The following SORCS1 variants were observed in gnomAD, a reference collection of about 807,000 sequenced individuals.
SORCS1 encodes the protein VPS10 domain-containing receptor SorCS1.
A neutral mutation model predicts 146.1 loss-of-function variants in SORCS1; 60 were observed. The observed-to-expected ratio is 0.41, with a 90% CI of 0.33 to 0.51. SORCS1 has a LOEUF of 0.51. SORCS1 is among the 20% of genes least tolerant of loss of function. SORCS1 has a pLI of 0.21. For synonymous variants in SORCS1, 637 were observed against 584.0 expected (o/e 1.09, Z -1.31); for missense variants, 1,352 against 1,487.6 (o/e 0.91, Z 1.50).
intron 1 of SORCS1, among the ~76,000 whole-genome samples, chr10:107,128,551 A>G (rs143125220): frequency 1.3e-5 from 2 of 152,332 alleles, no homozygotes; most frequent in Non-Finnish European, 2.9e-5. Context: ...TAACAACAGT[A>G]CTTTGTGATG....
At chr10:107,169,845 A>C in the SORCS1 span, among the ~76,000 whole-genome samples, 1 of 152,166 alleles carries the variant, frequency 6.6e-6, no homozygotes, top group Non-Finnish European at 1.5e-5. Context: ...CATGAATTAA[A>C]ATTCCACATT....
chr10:106,806,700 A>G (rs1391030298), intron 3 of SORCS1, among the ~76,000 whole-genome samples: 1 of 151,576 alleles, frequency 6.6e-6, no homozygotes, highest in Non-Finnish European at 1.5e-5. Context: ...TATTTTTAGT[A>G]GAGACGGGGT....
chr10:106,975,641 C>T (rs913808957), intron 1 of SORCS1, among the ~76,000 whole-genome samples: 2 of 152,194 alleles, frequency 1.3e-5, no homozygotes, highest in African/African-American at 4.8e-5. Context: ...TCTTCAGAAA[C>T]ACTGAAGGTT....
At chr10:107,156,612 A>G (rs1457813834) in intron 1 of SORCS1, among the ~76,000 whole-genome samples, 1 of 152,316 alleles carries the variant, frequency 6.6e-6, no homozygotes, top group African/African-American at 2.4e-5. Flanking sequence ...AAGTAGAAAA[A>G]GCTACATCTG....
intron 2 of SORCS1, among the ~76,000 whole-genome samples, chr10:106,901,238 T>G (rs1469139312): frequency 6.6e-6 from 1 of 152,194 alleles, no homozygotes; most frequent in African/African-American, 2.4e-5. Flanking sequence ...TCACAGGTAT[T>G]AGAAAGCAGC....
At chr10:107,149,624 G>A (rs1335925749) in intron 1 of SORCS1, among the ~76,000 whole-genome samples, 2 of 152,210 alleles carry the variant, frequency 1.3e-5, no homozygotes, top group African/African-American at 2.4e-5. Context: ...ACGTGCATGC[G>A]CATTCTTGAT....
At chr10:107,025,503 C>T (rs139394958) in intron 1 of SORCS1, among the ~76,000 whole-genome samples, 1 of 152,282 alleles carries the variant, frequency 6.6e-6, no homozygotes, top group East Asian at 1.9e-4. Context: ...TAAACTAGGG[C>T]CAGCTGTGGT....
chr10:106,976,690 C>T (rs548057604), intron 1 of SORCS1, among the ~76,000 whole-genome samples: 34 of 152,248 alleles, frequency 2.2e-4, no homozygotes, highest in African/African-American at 7.9e-4. Flanking sequence ...GCTCTCCTTC[C>T]CCTTGCCTCT....
At chr10:107,001,405 G>T (rs908995147) in intron 1 of SORCS1, among the ~76,000 whole-genome samples, 1 of 152,158 alleles carries the variant, frequency 6.6e-6, no homozygotes, top group Admixed American at 6.6e-5. Flanking sequence ...GGGGGGTCAA[G>T]TTTGCTGGTG....
At chr10:107,161,271 T>C (rs544730852) in intron 1 of SORCS1, among the ~76,000 whole-genome samples, 4 of 152,334 alleles carry the variant, frequency 2.6e-5, no homozygotes, top group East Asian at 1.9e-4. Flanking sequence ...AGACTCTTCA[T>C]AGCAAAGGCT....
At chr10:106,985,751 G>T (rs938774557) in intron 1 of SORCS1, among the ~76,000 whole-genome samples, 1 of 151,942 alleles carries the variant, frequency 6.6e-6, no homozygotes, top group Non-Finnish European at 1.5e-5. Context: ...TGGCCAGGAT[G>T]GTCTCCATCT....
Position 106,971,330 on chromosome 10 carries a change from C to A in SORCS1, c.559-14750G>T, listed in dbSNP as rs1296741325. On this transcript the variant is annotated intron_variant, in intron 1 of 25. Transcript: ENST00000263054. ...TAATATGTAATATCCTCTTGCTGAC[C>A]TAAGGAATTCCAGTATTTGTGGATC... Among the ~76,000 whole-genome samples the A allele has an allele frequency of 3.9e-5, 6 of 152,152 alleles. No individual in the cohort carries two copies. The South Asian group carries it at 8.3e-4, about 21-fold the overall frequency.
At chr10:107,012,059 G>T (rs1370274163) in intron 1 of SORCS1, among the ~76,000 whole-genome samples, 1 of 152,152 alleles carries the variant, frequency 6.6e-6, no homozygotes, top group Non-Finnish European at 1.5e-5. Flanking sequence ...GTTCAAATGT[G>T]CCCAGACAAC....
intron 3 of SORCS1, among the ~76,000 whole-genome samples, chr10:106,802,940 A>T (rs181071911): frequency 6.6e-6 from 1 of 152,306 alleles, no homozygotes; most frequent in Non-Finnish European, 1.5e-5. Context: ...CTGACTTTAC[A>T]GTATTTTTTA....
At chr10:106,758,529 T>G (rs954153914) in intron 5 of SORCS1, among the ~76,000 whole-genome samples, 3 of 152,172 alleles carry the variant, frequency 2.0e-5, no homozygotes, top group Admixed American at 2.0e-4. Context: ...GCAACTCCAT[T>G]TCCAGGATAA....
chr10:107,168,447 G>A (rs12258901), upstream of SORCS1, among the ~76,000 whole-genome samples: 34,671 of 152,062 alleles, frequency 0.23, 4,037 homozygotes, highest in African/African-American at 0.27. Flanking sequence ...TAAAGGCCCT[G>A]TGCTCCTTAT....
chr10:106,689,615 C>T (rs1019923396), intron 9 of SORCS1, among the ~76,000 whole-genome samples: 1 of 152,128 alleles, frequency 6.6e-6, no homozygotes, highest in Non-Finnish European at 1.5e-5. Context: ...CAGACCTCGC[C>T]AAACGCCAAG....
rs1966849981 is a variant in SORCS1, at chr10:107,129,918, T to C, written c.558+34051A>G. Among the ~76,000 whole-genome samples, 4 of 152,228 alleles carry C rather than the reference T, an allele frequency of 2.6e-5. No homozygotes were observed. The South Asian group carries it at 8.3e-4, about 31-fold the overall frequency. On this transcript the variant is annotated intron_variant, in intron 1 of 25. Coordinates refer to ENST00000263054, the MANE Select transcript of SORCS1 (RefSeq NM_052918.5). The stretch of plus-strand genomic sequence containing the variant: ...GCTCAAGTGGGAGTTTCTGTGCTTG[T>C]TGATGTATGTTTATCCATTAGGAAT...
Position 106,829,673 on chromosome 10 carries a change from C to T in SORCS1, c.627G>A (p.Arg209=), listed in dbSNP as rs745410887. 4.4e-6 allele frequency: 7 copies of T among 1,599,906 alleles called. No homozygotes were observed. Among genetic ancestry groups the T allele is most frequent in the Non-Finnish European group, 3.4e-6 (4 of 1,168,642 alleles). The change falls in exon 3 of 26, where the codon AGG becomes AGA. Residue 209 remains arginine (R), a splice_region_variant and synonymous_variant. Coordinates refer to ENST00000263054, the MANE Select transcript of SORCS1 (RefSeq NM_052918.5). ...CATAGGTTGTTCCATAATCGGTTGA[C>T]CTATAATCCAAAAAGAGCATTAATG... ...LGSITESSLW[R]STDYGTTYEK...
Sources: gnomAD v4.1 joint callset for allele counts (sites outside exome capture counted in the v4.1 genomes callset) on GRCh38, gnomAD v4.1.1 for gene constraint, MANE v1.5 for transcripts, NCBI Gene and HGNC (gene_info 2026-07-23, HGNC 2026-07-21) for gene names.